The following ARHGAP20 variants were observed in gnomAD, a reference collection of about 807,000 sequenced individuals.
The protein encoded by ARHGAP20 is Rho GTPase activating protein 20, also known as rho GTPase-activating protein 20.
Under a neutral mutation model 73.7 loss-of-function variants are expected in ARHGAP20, and 34 were observed. The ratio of observed to expected loss-of-function variants is 0.46; its 90% CI spans 0.35 to 0.61. ARHGAP20 has a LOEUF of 0.61. Among genes scored for constraint, ARHGAP20 ranks in the 20% least tolerant of loss-of-function variants. ARHGAP20 has a pLI of 0.00. For synonymous variants in ARHGAP20, 523 were observed against 518.2 expected (o/e 1.01, Z -0.13); for missense variants, 1,314 against 1,420.9 (o/e 0.92, Z 1.21).
intron 3 of ARHGAP20, among the ~76,000 whole-genome samples, chr11:110,625,316 C>T (rs998961209): frequency 6.6e-5 from 10 of 151,854 alleles, no homozygotes; most frequent in Non-Finnish European, 1.3e-4. Context: ...GGATTACAGG[C>T]GTGAGCCACC....
At chr11:110,670,252 T>C (rs1949802278) in intron 2 of ARHGAP20, among the ~76,000 whole-genome samples, 1 of 151,990 alleles carries the variant, frequency 6.6e-6, no homozygotes, top group African/African-American at 2.4e-5. Flanking sequence ...ATCAATGAAA[T>C]ATAAAGTCAA....
At chr11:110,663,229 GAAAAT>G (rs1384959761) in intron 2 of ARHGAP20, among the ~76,000 whole-genome samples, 1 of 151,036 alleles carries the variant, frequency 6.6e-6, no homozygotes, top group Non-Finnish European at 1.5e-5. Context: ...AAGTAATAAA[GAAAAT>G]AAATGAACTA....
At chr11:110,611,103 A>C (rs1390127158) in intron 7 of ARHGAP20, among the ~76,000 whole-genome samples, 1 of 152,164 alleles carries the variant, frequency 6.6e-6, no homozygotes, top group East Asian at 1.9e-4. Flanking sequence ...TTTTCAGTTC[A>C]CACAGATTTT....
intron 2 of ARHGAP20, among the ~76,000 whole-genome samples, chr11:110,647,192 C>T (rs1303754859): frequency 6.6e-6 from 1 of 151,812 alleles, no homozygotes; most frequent in African/African-American, 2.4e-5. Context: ...CGCGCACATG[C>T]ATGCAACTGG....
chr11:110,712,184 C>A lies in ARHGAP20; in HGVS notation c.48G>T (p.Gly16=), dbSNP rs952822970. ...ACACTCCTGTCAGGGAAGAGGAGCG[C>A]CCCGGCTGTCCCCCTAGAGTCTCCT... ...PQQETLGGQP[G]RSSSLTGVSR... Residue 16 remains glycine (G), a synonymous_variant, in exon 1 of 15, where the codon GGG becomes GGT. Coordinates refer to ENST00000683387, the MANE Select transcript of ARHGAP20 (RefSeq NM_001384657.1). 4 of 1,360,326 alleles carry A rather than the reference C, an allele frequency of 2.9e-6. No homozygotes were observed. Among genetic ancestry groups the A allele is most frequent in the Non-Finnish European group, 3.8e-6 (4 of 1,051,366 alleles). 84.3% of individuals were successfully genotyped at this position (1,360,326 alleles called of 1,614,324 possible). A position where few individuals can be genotyped will look rare whatever the true frequency, so the allele number is the denominator to read the frequency against.
chr11:110,611,268 A>C (rs1372457886), intron 7 of ARHGAP20, 41 bp downstream of exon 7: 1 of 1,288,580 alleles, frequency 7.8e-7, no homozygotes, highest in Non-Finnish European at 1.1e-6. Flanking sequence ...TAAATAATCA[A>C]AGTTTATTTT....
At chr11:110,654,356 G>A (rs952428464) in intron 2 of ARHGAP20, among the ~76,000 whole-genome samples, 9 of 152,064 alleles carry the variant, frequency 5.9e-5, no homozygotes, top group Middle Eastern at 3.2e-3. Flanking sequence ...ATTAAAAGTC[G>A]TCATTCTCAA....
At chr11:110,618,352 TA>T (rs1221526477) in intron 4 of ARHGAP20, among the ~76,000 whole-genome samples, 1 of 152,236 alleles carries the variant, frequency 6.6e-6, no homozygotes, top group Non-Finnish European at 1.5e-5. Context: ...GATCTATAAA[TA>T]AACACGCATA....
chr11:110,577,974 G>GAAC lies in ARHGAP20; in HGVS notation c.*1393_*1395dup. On this transcript the variant is annotated 3_prime_UTR_variant, in exon 15 of 15. Transcript: ENST00000683387. ...GTGAGAGAAAGGTCCATCTGATGGTGAACTAAAGAGTTTAAATAAATGGGC... is the reference window on the plus strand; with the variant it reads ...GTGAGAGAAAGGTCCATCTGATGGTGAACAACTAAAGAGTTTAAATAAATGGGC... 1 of 985,358 alleles carries GAAC rather than the reference G, an allele frequency of 1.0e-6. No individual in the cohort carries two copies. Among genetic ancestry groups the GAAC allele is most frequent in the Non-Finnish European group, 1.2e-6 (1 of 829,832 alleles). The allele number at this position is 985,358 out of a possible 1,614,324, so 61.0% of individuals were successfully genotyped here.
intron 1 of ARHGAP20, among the ~76,000 whole-genome samples, chr11:110,709,885 T>A (rs1334802801): frequency 1.3e-5 from 2 of 152,230 alleles, no homozygotes. Flanking sequence ...AAGTGGTGAC[T>A]GGATCAAAGA....
chr11:110,617,914 C>G (rs927621013), intron 4 of ARHGAP20, among the ~76,000 whole-genome samples: 11 of 152,026 alleles, frequency 7.2e-5, no homozygotes, highest in African/African-American at 2.2e-4. Flanking sequence ...AAGATTCTCT[C>G]AAATTATGGA....
At chr11:110,602,808 A>G (rs1422782968) in intron 9 of ARHGAP20, among the ~76,000 whole-genome samples, 1 of 152,234 alleles carries the variant, frequency 6.6e-6, no homozygotes, top group Non-Finnish European at 1.5e-5. Flanking sequence ...TAAGTTGTTT[A>G]GTCAAGAAGT....
chr11:110,579,926 C>T lies in ARHGAP20; in HGVS notation c.3020G>A (p.Gly1007Glu). Residue 1007 changes from glycine (G) to glutamate (E), a missense_variant, in exon 15 of 15, where the codon GGG becomes GAG. By Grantham distance (98) the Gly-to-Glu change is moderately conservative. Coordinates refer to ENST00000683387, the MANE Select transcript of ARHGAP20 (RefSeq NM_001384657.1). ...HVSGMPGPSS[G>E]QACSRPAYTK... ...ATAGGCTGGGCGGCTGCAAGCCTGCCCTGATGAGGGACCGGGCATTCCGGA... is the reference window on the plus strand; with the variant it reads ...ATAGGCTGGGCGGCTGCAAGCCTGCTCTGATGAGGGACCGGGCATTCCGGA... The T allele has an allele frequency of 1.2e-6, 2 of 1,614,192 alleles. No individual in the cohort carries two copies. Among genetic ancestry groups the T allele is most frequent in the Non-Finnish European group, 1.7e-6 (2 of 1,180,040 alleles).
intron 1 of ARHGAP20, among the ~76,000 whole-genome samples, chr11:110,704,807 C>T (rs1950524375): frequency 6.6e-6 from 1 of 152,182 alleles, no homozygotes; most frequent in Non-Finnish European, 1.5e-5. Context: ...ATCCTAAACA[C>T]TTGAAGTACC....
At chr11:110,603,919 T>C (rs1948164583) in intron 9 of ARHGAP20, among the ~76,000 whole-genome samples, 1 of 152,188 alleles carries the variant, frequency 6.6e-6, no homozygotes, top group African/African-American at 2.4e-5. Flanking sequence ...GTACTCAAAT[T>C]TTGATGGCTA....
chr11:110,702,996 C>G (rs1362256440), intron 1 of ARHGAP20, among the ~76,000 whole-genome samples: 1 of 152,162 alleles, frequency 6.6e-6, no homozygotes, highest in East Asian at 1.9e-4. Context: ...CCCCATCAAG[C>G]TACCAATGAC....
chr11:110,691,928 G>T (rs555175218), intron 1 of ARHGAP20, among the ~76,000 whole-genome samples: 6 of 152,132 alleles, frequency 3.9e-5, no homozygotes, highest in Admixed American at 2.0e-4. Flanking sequence ...TCTCAATTGG[G>T]AGTTATTAAC....
chr11:110,662,364 A>C (rs2095179083), intron 2 of ARHGAP20, among the ~76,000 whole-genome samples: 1 of 151,976 alleles, frequency 6.6e-6, no homozygotes, highest in African/African-American at 2.4e-5. Flanking sequence ...AAAACAAATT[A>C]ACCAAAATTT....
At chr11:110,605,127 C>T (rs974845955) in intron 9 of ARHGAP20, among the ~76,000 whole-genome samples, 12 of 152,208 alleles carry the variant, frequency 7.9e-5, no homozygotes, top group African/African-American at 2.6e-4. Context: ...TTCTGCTAGA[C>T]AGGGATGATC....
Sources: allele counts gnomAD v4.1 joint callset (sites outside exome capture counted in the v4.1 genomes callset), GRCh38; gene constraint gnomAD v4.1.1; transcripts MANE v1.5; gene names NCBI Gene and HGNC (gene_info 2026-07-23, HGNC 2026-07-21).